The following TRAPPC12 variants were observed in gnomAD, a reference collection of about 807,000 sequenced individuals.
The protein encoded by TRAPPC12 is TPR repeat protein 15.
TRAPPC12 carries 61 observed loss-of-function variants against 69.2 expected under a neutral mutation model. That is an observed-to-expected ratio of 0.88 (90% CI 0.72 to 1.09). The LOEUF (loss-of-function observed/expected upper bound fraction) is 1.09, where lower values mean the gene tolerates loss of function less well. Ranked by LOEUF, TRAPPC12 falls within the 50% of genes least tolerant of loss-of-function variation. The pLI, the probability that TRAPPC12 is intolerant of heterozygous loss-of-function variation, is 0.00. For synonymous variants in TRAPPC12, 469 were observed against 438.9 expected (o/e 1.07, Z -0.86); for missense variants, 1,101 against 1,016.4 (o/e 1.08, Z -1.13).
chr2:3,380,763 T>C (rs1159907351), intron 1 of TRAPPC12, among the ~76,000 whole-genome samples: 2 of 152,214 alleles, frequency 1.3e-5, no homozygotes, highest in Non-Finnish European at 2.9e-5. Flanking sequence ...CTAAACTGGG[T>C]GTTGCCACTC....
At chr2:3,403,234 T>TTC (rs200033573) in intron 3 of TRAPPC12, among the ~76,000 whole-genome samples, 23,762 of 146,516 alleles carry the variant, frequency 0.16, 2,307 homozygotes, top group Non-Finnish European at 0.22. Context: ...TCACCAATTT[T>TTC]TTTTTTTTTT....
chr2:3,464,982 C>T (rs886908485), intron 8 of TRAPPC12, among the ~76,000 whole-genome samples: 9 of 152,258 alleles, frequency 5.9e-5, no homozygotes, highest in African/African-American at 1.4e-4. Context: ...GCTGGCACAG[C>T]GCTCCTACAT....
chr2:3,459,471 C>G (rs1321478372), intron 7 of TRAPPC12, among the ~76,000 whole-genome samples: 1 of 152,178 alleles, frequency 6.6e-6, no homozygotes, highest in Non-Finnish European at 1.5e-5. Context: ...CCACCCTCCC[C>G]CCAGGGCAGC....
intron 5 of TRAPPC12, among the ~76,000 whole-genome samples, chr2:3,430,156 A>G (rs890084667): frequency 1.3e-5 from 2 of 152,166 alleles, no homozygotes; most frequent in African/African-American, 4.8e-5. Context: ...ATCCATCCAT[A>G]TCCGTATCCA....
chr2:3,465,718 G>C (rs368112679), intron 9 of TRAPPC12, 23 bp downstream of exon 9: 16 of 1,533,700 alleles, frequency 1.0e-5, no homozygotes, highest in Non-Finnish European at 1.3e-5. Context: ...GGTCAGACAT[G>C]AGCCAGAAAG....
Position 3,387,889 on chromosome 2 carries a change from G to A in TRAPPC12, c.266G>A (p.Arg89Gln), listed in dbSNP as rs761567333. The change falls in exon 2 of 12, where the codon CGG (arginine) becomes CAG (glutamine). Residue 89 changes from arginine to glutamine, a missense_variant. Arg to Gln is a conservative substitution (Grantham distance 43). Coordinates refer to ENST00000324266, the MANE Select transcript of TRAPPC12 (RefSeq NM_016030.6). ...GACGCGGGCGACCTGGGCCGAGTGC[G>A]GGACGAAGCTGAGCCCGGAGGGGAA... is the stretch of plus-strand genomic sequence containing the variant. ...EGDAGDLGRV[R>Q]DEAEPGGEGD... 6 of 1,572,234 alleles carry A rather than the reference G, an allele frequency of 3.8e-6. No individual in the cohort carries two copies. Among genetic ancestry groups the A allele is most frequent in the South Asian group, 3.5e-5 (3 of 86,260 alleles).
chr2:3,388,146 T>C lies in TRAPPC12; in HGVS notation c.523T>C (p.Phe175Leu), dbSNP rs1337438213. 1 of 1,601,766 alleles carries C rather than the reference T, an allele frequency of 6.2e-7. No individual in the cohort carries two copies. Among genetic ancestry groups the C allele is most frequent in the Non-Finnish European group, 8.5e-7 (1 of 1,175,644 alleles). ...QRAPPASGDGFEPQMVKSPSF... is the reference protein window; with the variant it reads ...QRAPPASGDGLEPQMVKSPSF... ...CGCGCCCCCAGCCTCCGGGGACGGC[T>C]TCGAGCCGCAGATGGTGAAGTCGCC... Residue 175 changes from phenylalanine to leucine, a missense_variant, in exon 2 of 12, where the codon TTC becomes CTC. Coordinates refer to ENST00000324266, the MANE Select transcript of TRAPPC12 (RefSeq NM_016030.6).
intron 2 of TRAPPC12, among the ~76,000 whole-genome samples, chr2:3,394,410 C>A (rs2103448670): frequency 6.6e-6 from 1 of 152,262 alleles, no homozygotes; most frequent in East Asian, 1.9e-4. Context: ...ATCATGAGGT[C>A]AGGAGATCGA....
intron 1 of TRAPPC12, among the ~76,000 whole-genome samples, chr2:3,383,871 GTTTTTTTTTTTT>G (rs34956958): frequency 5.8e-5 from 5 of 85,586 alleles, no homozygotes; most frequent in South Asian, 4.4e-4. Context: ...GTTCAGTCTT[GTTTTTTTTTTTT>G]TTTTTTTTTT....
At chr2:3,396,859 AGTT>A (rs1661163188) in intron 2 of TRAPPC12, among the ~76,000 whole-genome samples, 1 of 152,092 alleles carries the variant, frequency 6.6e-6, no homozygotes, top group African/African-American at 2.4e-5. Context: ...GGCACCTTAA[AGTT>A]GTCTTCTGAG....
intron 5 of TRAPPC12, among the ~76,000 whole-genome samples, chr2:3,435,271 C>T (rs966781042): frequency 1.3e-5 from 2 of 152,234 alleles, no homozygotes; most frequent in Non-Finnish European, 2.9e-5. Context: ...GCCTCAGCCT[C>T]CCAAAGTGCT....
In TRAPPC12 at chr2:3,414,258, A is replaced by G. The variant is rs1572120571; in HGVS notation, c.1165-7623A>G. 1.3e-5 allele frequency among the ~76,000 whole-genome samples: 2 copies of G among 152,206 alleles called. No individual in the cohort carries two copies. Among genetic ancestry groups the G allele is most frequent in the Non-Finnish European group, 2.9e-5 (2 of 68,046 alleles). ...AGATTCAGCTCATTCAGTTTGGGAAATGTGACCCACTTGGCAGCCAGTACC... is the reference window on the plus strand; with the variant it reads ...AGATTCAGCTCATTCAGTTTGGGAAGTGTGACCCACTTGGCAGCCAGTACC... On this transcript the variant is annotated intron_variant, in intron 3 of 11. Coordinates refer to ENST00000324266, the MANE Select transcript of TRAPPC12 (RefSeq NM_016030.6). This position sits in a 1 kb window ranked among gnomAD's most constrained non-coding sequence, Gnocchi z 4.9.
At chr2:3,420,011 G>A (rs1007013180) in intron 3 of TRAPPC12, among the ~76,000 whole-genome samples, 8 of 152,132 alleles carry the variant, frequency 5.3e-5, no homozygotes, top group Admixed American at 3.9e-4. Context: ...ACTGCATTAC[G>A]CTCCTGGATA....
chr2:3,399,333 TTGTC>T (rs1265671910), intron 2 of TRAPPC12, among the ~76,000 whole-genome samples: 2 of 152,236 alleles, frequency 1.3e-5, no homozygotes, highest in African/African-American at 4.8e-5. Flanking sequence ...GAGATGCTCT[TTGTC>T]TGAGACGAGT....
chr2:3,408,300 TCGAAC>T (rs1661842623), intron 3 of TRAPPC12, among the ~76,000 whole-genome samples: 2 of 152,184 alleles, frequency 1.3e-5, no homozygotes, highest in Non-Finnish European at 2.9e-5. Flanking sequence ...CATTGTTGAT[TCGAAC>T]GTGAATTGTC....
chr2:3,390,284 C>CT (rs1381309714), intron 2 of TRAPPC12, among the ~76,000 whole-genome samples: 2 of 152,182 alleles, frequency 1.3e-5, no homozygotes, highest in African/African-American at 4.8e-5. Context: ...AATAGCCTCT[C>CT]TAAGGCAGCC....
chr2:3,388,658 C>A lies in TRAPPC12; in HGVS notation c.1035C>A (p.Phe345Leu). The A allele has an allele frequency of 6.4e-7, 1 of 1,560,728 alleles. No individual in the cohort carries two copies. The highest frequency in any genetic ancestry group is 2.4e-5 in the East Asian group (1 of 42,172). The change falls in exon 2 of 12, where the codon TTC becomes TTA. Residue 345 changes from phenylalanine (F) to leucine (L), a missense_variant. Coordinates refer to ENST00000324266, the MANE Select transcript of TRAPPC12 (RefSeq NM_016030.6). ...ACCTCACCATGCCGGGCCTCAGGTT[C>A]GACAACATCCAGGTGAGCCCGGGTC... The part of the protein sequence containing the change: ...KENLTMPGLR[F>L]DNIQGDAVKD...
intron 5 of TRAPPC12, among the ~76,000 whole-genome samples, chr2:3,430,925 T>TG (rs1290016254): frequency 6.6e-6 from 1 of 151,466 alleles, no homozygotes; most frequent in Non-Finnish European, 1.5e-5. Flanking sequence ...CCACTGGGTG[T>TG]GGAGGAGCTC....
chr2:3,433,506 A>C (rs571517639), intron 5 of TRAPPC12, among the ~76,000 whole-genome samples: 14 of 152,306 alleles, frequency 9.2e-5, no homozygotes, highest in African/African-American at 3.4e-4. Flanking sequence ...AGTGACACAG[A>C]AGGCTGCAGA....
Sources: gnomAD v4.1 joint callset for allele counts (sites outside exome capture counted in the v4.1 genomes callset) on GRCh38, gnomAD v4.1.1 for gene constraint, Gnocchi (gnomAD v3.1) non-coding constraint, MANE v1.5 for transcripts, NCBI Gene and HGNC (gene_info 2026-07-23, HGNC 2026-07-21) for gene names.